Variants in MCM7 observed in about 807,000 individuals in gnomAD.
MCM7 encodes DNA replication licensing factor MCM7.
In MCM7, 95 loss-of-function variants were observed where a neutral mutation model predicts 83.5. That is an observed-to-expected ratio of 1.14 (90% confidence interval 0.96 to 1.35). The LOEUF is 1.35. Ranked by LOEUF, MCM7 falls within the 40% of genes most tolerant of loss-of-function variation. The pLI is 0.00. For synonymous variants in MCM7, 461 were observed against 352.7 expected (o/e 1.31, Z -3.44); for missense variants, 1,087 against 957.4 (o/e 1.14, Z -1.79).
At position 100,099,669 on chromosome 7, in the gene MCM7, T is replaced by C. The variant is rs377675690; in HGVS notation, c.196A>G (p.Ile66Val). 24 of 1,614,074 alleles carry C rather than the reference T, an allele frequency of 1.5e-5. No homozygotes were observed. Among genetic ancestry groups the C allele is most frequent in the East Asian group, 8.9e-5 (4 of 44,898 alleles). The change falls in exon 3 of 15, where the codon ATT becomes GTT. Residue 66 changes from isoleucine (I) to valine (V), a missense_variant. Physicochemically the swap from Ile to Val is conservative, Grantham distance 29. Coordinates refer to ENST00000303887, the MANE Select transcript of MCM7 (RefSeq NM_005916.5). ...GCGTAGCGCCTGGCATTCTCACAAATTGAGTCCACCAACTCGGGGTCATCC... is the reference window on the plus strand; with the variant it reads ...GCGTAGCGCCTGGCATTCTCACAAACTGAGTCCACCAACTCGGGGTCATCC... ...AEDDPELVDS[I>V]CENARRYAKL...
chr7:100,101,397 T>A lies in MCM7; in HGVS notation c.-103A>T, dbSNP rs985460679. ...TGGACTGTGGCCGGCCAACCGAAATTGGCGCGAAACGTCGCCCCCCACGTG... is the reference window on the plus strand; with the variant it reads ...TGGACTGTGGCCGGCCAACCGAAATAGGCGCGAAACGTCGCCCCCCACGTG... On this transcript the variant is annotated 5_prime_UTR_variant, in exon 1 of 15. Coordinates refer to ENST00000303887, the MANE Select transcript of MCM7 (RefSeq NM_005916.5). 2.0e-6 allele frequency: 3 copies of A among 1,530,058 alleles called. No homozygotes were observed. 94.8% of individuals were successfully genotyped at this position (1,530,058 alleles called of 1,614,324 possible). A position where few individuals can be genotyped will look rare whatever the true frequency, so the allele number is the denominator to read the frequency against.
Position 100,101,337 on chromosome 7 carries a change from T to G in MCM7, c.-43A>C, listed in dbSNP as rs780947160. The G allele has an allele frequency of 1.6e-5, 25 of 1,611,978 alleles. No individual in the cohort carries two copies. The Admixed American group carries it at 2.0e-4, about 13-fold the overall frequency. On this transcript the variant is annotated 5_prime_UTR_variant, in exon 1 of 15. Coordinates refer to ENST00000303887, the MANE Select transcript of MCM7 (RefSeq NM_005916.5). ...CGGCCGCGCTTGGCGGGCTCAGAGG[T>G]CTTGCTCCTGGGGAAGCTGAGAATC...
rs746501643 is a variant in MCM7, at chr7:100,096,085, G to C, written c.1284C>G (p.Thr428=). 7 of 1,614,092 alleles carry C rather than the reference G, an allele frequency of 4.3e-6. No homozygotes were observed. In the South Asian group the frequency reaches 6.6e-5, roughly 15 times the overall value. ...CCAGCACCAGGGCCCCACCCTCTAA[G>C]GTCAGTTCTCCACTCACGGAGTCTC... ...VLRDSVSGEL[T]LEGGALVLAD... The change falls in exon 11 of 15, where the codon ACC becomes ACG. Residue 428 remains threonine (T), a synonymous_variant. Coordinates refer to ENST00000303887, the MANE Select transcript of MCM7 (RefSeq NM_005916.5).
At chr7:100,100,526 T>A in intron 1 of MCM7, 1 of 998,920 alleles carries the variant, frequency 1.0e-6, no homozygotes, top group Non-Finnish European at 1.2e-6. Flanking sequence ...CTTCCGCTCT[T>A]AGTAAACAAA....
Position 100,101,289 on chromosome 7 carries a change from T to G in MCM7, c.6A>C (p.Ala2=). 1 of 1,613,280 alleles carries G rather than the reference T, an allele frequency of 6.2e-7. No homozygotes were observed. The highest frequency in any genetic ancestry group is 1.3e-5 in the African/African-American group (1 of 75,072). The change falls in exon 1 of 15, where the codon GCA becomes GCC. Residue 2 remains alanine (A), a synonymous_variant. Transcript: ENST00000303887. The part of the protein sequence containing the change: M[A]LKDYALEKEK... ...CCTTCTCTAGCGCGTAGTCCTTCAGTGCCATCGCTGCCGAGGGCCGTGCGG... is the reference window on the plus strand; with the variant it reads ...CCTTCTCTAGCGCGTAGTCCTTCAGGGCCATCGCTGCCGAGGGCCGTGCGG...
intron 1 of MCM7, chr7:100,100,641 C>T (rs1435826350): frequency 2.0e-6 from 2 of 989,874 alleles, no homozygotes; most frequent in Non-Finnish European, 2.4e-6. Context: ...ACACCGCGAT[C>T]CCAGCCCACT....
At chr7:100,098,375 C>CA (rs1244466137) in intron 6 of MCM7, 85 bp from the exon 7 acceptor site, 8 of 1,538,752 alleles carry the variant, frequency 5.2e-6, no homozygotes, top group Non-Finnish European at 7.1e-6. Context: ...CAAAGGCTCC[C>CA]AGGCTACCCA....
At chr7:100,094,828 T>C (rs1038986987) in intron 12 of MCM7, among the ~76,000 whole-genome samples, 6 of 152,214 alleles carry the variant, frequency 3.9e-5, no homozygotes, top group Non-Finnish European at 8.8e-5. Flanking sequence ...ATGAGATAGC[T>C]TGGGGATGGG....
At position 100,093,291 on chromosome 7, in the gene MCM7, C is replaced by T; in HGVS notation, c.1958+1G>A. 6.2e-7 allele frequency: 1 copy of T among 1,613,066 alleles called. No individual in the cohort carries two copies. Among genetic ancestry groups the T allele is most frequent in the South Asian group, 1.1e-5 (1 of 91,090 alleles). On this transcript the variant is annotated splice_donor_variant, in intron 14 of 14. Coordinates refer to ENST00000303887, the MANE Select transcript of MCM7 (RefSeq NM_005916.5). LOFTEE classifies it high-confidence loss of function. Reference sequence around the variant, plus strand: ...GCTTTGTCCTTCACTAAACCACTCACCTAGCTGTCTGCCCCTTGTCTCCTA... The same window carrying T: ...GCTTTGTCCTTCACTAAACCACTCATCTAGCTGTCTGCCCCTTGTCTCCTA...
Position 100,094,334 on chromosome 7 carries a change from T to C in MCM7, c.1687A>G (p.Ile563Val), listed in dbSNP as rs375165620. ...PLDMKLMRRY[I>V]AMCREKQPMV... is the part of the protein sequence containing the mutation. ...GGCTGCTTCTCGCGGCACATGGCTA[T>C]GTAACGCCTGTGGGGGAAGGTTCAT... The change falls in exon 13 of 15, where the codon ATA becomes GTA. Residue 563 changes from isoleucine (I) to valine (V), a missense_variant. Coordinates refer to ENST00000303887, the MANE Select transcript of MCM7 (RefSeq NM_005916.5). 10 of 1,613,888 alleles carry C rather than the reference T, an allele frequency of 6.2e-6. No individual in the cohort carries two copies. The highest frequency in any genetic ancestry group is 2.2e-5 in the East Asian group (1 of 44,902).
intron 1 of MCM7, chr7:100,100,659 T>G: frequency 1.0e-6 from 1 of 990,154 alleles, no homozygotes; most frequent in Non-Finnish European, 1.2e-6. Context: ...ACTGCCGCCT[T>G]TCCCGGGCCC....
rs775932187 is a variant in MCM7, at chr7:100,094,168, C to G, written c.1848+5G>C. The G allele has an allele frequency of 6.2e-7, 1 of 1,614,150 alleles. No homozygotes were observed. The highest frequency in any genetic ancestry group is 2.2e-5 in the East Asian group (1 of 44,882). ...AGATGGCCCTCCAGCAATTTGGGCACTTACCAGAGCAGTGGAAAGGCGCAG... is the reference window on the plus strand; with the variant it reads ...AGATGGCCCTCCAGCAATTTGGGCAGTTACCAGAGCAGTGGAAAGGCGCAG... On this transcript the variant is annotated splice_donor_5th_base_variant and intron_variant, in intron 13 of 14. Coordinates refer to ENST00000303887, the MANE Select transcript of MCM7 (RefSeq NM_005916.5).
chr7:100,094,321 C>T lies in MCM7; in HGVS notation c.1700G>A (p.Arg567His), dbSNP rs565560209. 52 of 1,614,084 alleles carry T rather than the reference C, an allele frequency of 3.2e-5. No individual in the cohort carries two copies. The highest frequency in any genetic ancestry group is 2.7e-4 in the East Asian group (12 of 44,886). ...CTCTGGCACCATGGGCTGCTTCTCGCGGCACATGGCTATGTAACGCCTGTG... is the reference window on the plus strand; with the variant it reads ...CTCTGGCACCATGGGCTGCTTCTCGTGGCACATGGCTATGTAACGCCTGTG... ...KLMRRYIAMC[R>H]EKQPMVPESL... Residue 567 changes from arginine (R) to histidine (H), a missense_variant, in exon 13 of 15, where the codon CGC becomes CAC. Physicochemically the swap from Arg to His is conservative, Grantham distance 29 (BLOSUM62 0). Transcript: ENST00000303887.
Position 100,098,040 on chromosome 7 carries a change from CTGTTT to C in MCM7, c.870+96_871-93del, listed in dbSNP as rs901368610. ...CAATTTCTTGACAAATCCCTGGGTT[CTGTTT>C]TGTTTGGGGTTTTGCTGCTCTTTTC... On this transcript the variant is annotated intron_variant, in intron 7 of 14. Transcript: ENST00000303887. The C allele has an allele frequency of 6.3e-6, 10 of 1,574,920 alleles. No individual in the cohort carries two copies. In the African/African-American group the frequency reaches 1.4e-4, roughly 21 times the overall value.
chr7:100,099,099 C>A lies in MCM7; in HGVS notation c.506G>T (p.Arg169Leu). 6.2e-7 allele frequency: 1 copy of A among 1,614,132 alleles called. No individual in the cohort carries two copies. Among genetic ancestry groups the A allele is most frequent in the Non-Finnish European group, 8.5e-7 (1 of 1,180,026 alleles). The change falls in exon 5 of 15, where the codon CGT becomes CTT. Residue 169 changes from arginine (R) to leucine (L), a missense_variant. By Grantham distance (102) the Arg-to-Leu change is moderately radical. Transcript: ENST00000303887. Reference sequence around the variant, plus strand: ...CATCTTGGGTTTGACTTCAGAGACACGAGTGACGATTCCACGCACAGTTAC... The same window carrying A: ...CATCTTGGGTTTGACTTCAGAGACAAGAGTGACGATTCCACGCACAGTTAC... ...KLVTVRGIVT[R>L]VSEVKPKMVV...
intron 13 of MCM7, 48 bp downstream of exon 13, chr7:100,094,125 C>A: frequency 1.2e-6 from 2 of 1,611,978 alleles, no homozygotes; most frequent in African/African-American, 1.3e-5. Context: ...AAGGAGCTAC[C>A]CCTTTAAGGG....
intron 5 of MCM7, 105 bp downstream of exon 5, chr7:100,098,918 G>A (rs896121412): frequency 1.7e-5 from 26 of 1,494,512 alleles, no homozygotes; most frequent in African/African-American, 4.2e-5. Context: ...CGAACACACA[G>A]GCAACTTTTA....
intron 12 of MCM7, 22 bp from the exon 13 acceptor site, chr7:100,094,363 G>A: frequency 6.2e-7 from 1 of 1,613,316 alleles, no homozygotes; most frequent in Non-Finnish European, 8.5e-7. Flanking sequence ...GGTTCATGGG[G>A]AAGCAGAAGA....
In MCM7 at chr7:100,097,665, G is replaced by C; in HGVS notation, c.1066C>G (p.Leu356Val). The change falls in exon 9 of 15, where the codon CTC (leucine) becomes GTC (valine). Residue 356 changes from leucine to valine, a missense_variant. Coordinates refer to ENST00000303887, the MANE Select transcript of MCM7 (RefSeq NM_005916.5). ...GHEDVKKALLLLLVGGVDQSP... is the reference protein window; with the variant it reads ...GHEDVKKALLVLLVGGVDQSP... ...TGGTCCACACCCCCGACTAGCAGGA[G>C]CAGCAGTGCCTTCTTCACATCTTCA... 2.5e-6 allele frequency: 4 copies of C among 1,614,208 alleles called. No individual in the cohort carries two copies. Among genetic ancestry groups the C allele is most frequent in the Non-Finnish European group, 3.4e-6 (4 of 1,180,054 alleles).
Sources: gnomAD v4.1 joint callset for allele counts (sites outside exome capture counted in the v4.1 genomes callset) on GRCh38, gnomAD v4.1.1 for gene constraint, MANE v1.5 for transcripts, NCBI Gene and HGNC (gene_info 2026-07-23, HGNC 2026-07-21) for gene names.